GALNTL6: variants seen among roughly 807,000 people sequenced by gnomAD.
GALNTL6 encodes the protein polypeptide N-acetylgalactosaminyltransferase-like 6.
A neutral mutation model predicts 73.7 loss-of-function variants in GALNTL6; 46 were observed. The observed-to-expected ratio is 0.62, with a 90% CI of 0.49 to 0.80. GALNTL6 has a LOEUF of 0.80. Ranked by LOEUF, GALNTL6 falls within the 30% of genes least tolerant of loss-of-function variation. The pLI is 0.00. For synonymous variants in GALNTL6, 259 were observed against 263.7 expected (o/e 0.98, Z 0.17); for missense variants, 604 against 755.0 (o/e 0.80, Z 2.34).
chr4:171,863,985 C>T (rs1363136473), intron 2 of GALNTL6, among the ~76,000 whole-genome samples: 6 of 152,110 alleles, frequency 3.9e-5, no homozygotes, highest in Non-Finnish European at 7.4e-5. Flanking sequence ...TGGTCTCGAC[C>T]TCCTGCCCTC....
chr4:171,840,067 A>G (rs1994306), intron 2 of GALNTL6, among the ~76,000 whole-genome samples: 80,776 of 151,940 alleles, frequency 0.53, 23,836 homozygotes, highest in Non-Finnish European at 0.65. Context: ...AGTGCCGGCC[A>G]GGGATATTTA....
At chr4:172,892,031 G>A (rs527650929) in intron 8 of GALNTL6, among the ~76,000 whole-genome samples, 26 of 152,208 alleles carry the variant, frequency 1.7e-4, no homozygotes, top group African/African-American at 2.4e-4. Context: ...TCTGGCTTCC[G>A]TGCATTGGCT....
At chr4:171,927,800 T>TGCA (rs1340293460) in intron 2 of GALNTL6, among the ~76,000 whole-genome samples, 1 of 152,190 alleles carries the variant, frequency 6.6e-6, no homozygotes, top group African/African-American at 2.4e-5. Flanking sequence ...GCACAGCCCC[T>TGCA]GCAGCTGATC....
intron 5 of GALNTL6, among the ~76,000 whole-genome samples, chr4:172,708,906 T>G (rs576158795): frequency 9.2e-5 from 14 of 152,350 alleles, no homozygotes; most frequent in African/African-American, 3.4e-4. Flanking sequence ...TTGAGATGCC[T>G]TAAGGATCTT....
In GALNTL6 at chr4:172,978,370, T is replaced by A. The variant is rs190567768; in HGVS notation, c.1371+26112T>A. Among the ~76,000 whole-genome samples the A allele has an allele frequency of 3.3e-5, 5 of 152,268 alleles. No individual in the cohort carries two copies. In the East Asian group the frequency reaches 9.6e-4, roughly 29 times the overall value. The stretch of plus-strand genomic sequence containing the variant: ...GACACTAGTTGAGCTCTAATGAGGA[T>A]GAGCTGCTTCCATCATTTTGAGCAA... On this transcript the variant is annotated intron_variant, in intron 10 of 12. Transcript: ENST00000506823.
At chr4:172,317,683 T>C (rs1013700456) in intron 4 of GALNTL6, among the ~76,000 whole-genome samples, 2 of 152,240 alleles carry the variant, frequency 1.3e-5, no homozygotes, top group African/African-American at 4.8e-5. Flanking sequence ...GTGATCCGTT[T>C]TGACTCTTGT....
At chr4:172,120,625 C>T (rs1733122109) in intron 2 of GALNTL6, among the ~76,000 whole-genome samples, 1 of 151,808 alleles carries the variant, frequency 6.6e-6, no homozygotes. Flanking sequence ...GACCGTGATT[C>T]ACCCTAACAC....
chr4:172,839,840 T>A (rs1743107143), intron 7 of GALNTL6, among the ~76,000 whole-genome samples: 1 of 152,210 alleles, frequency 6.6e-6, no homozygotes, highest in South Asian at 2.1e-4. Context: ...TCTTGGCAAG[T>A]GGCACAAGAT....
chr4:172,559,171 T>A (rs759314579), intron 5 of GALNTL6, among the ~76,000 whole-genome samples: 6 of 137,288 alleles, frequency 4.4e-5, no homozygotes, highest in Non-Finnish European at 9.2e-5. Flanking sequence ...TTCATGCCGT[T>A]CTCCTGCCTC....
At chr4:172,880,767 A>G (rs1280078531) in intron 7 of GALNTL6, among the ~76,000 whole-genome samples, 1 of 152,152 alleles carries the variant, frequency 6.6e-6, no homozygotes, top group East Asian at 1.9e-4. Flanking sequence ...GACAGGAGAT[A>G]CTAATTTATT....
At chr4:172,851,837 G>A (rs1743836644) in intron 7 of GALNTL6, among the ~76,000 whole-genome samples, 1 of 152,106 alleles carries the variant, frequency 6.6e-6, no homozygotes, top group Non-Finnish European at 1.5e-5. Context: ...AGCAACATGA[G>A]TTCTAAGTAG....
intron 5 of GALNTL6, among the ~76,000 whole-genome samples, chr4:172,530,413 T>C (rs1276292033): frequency 6.6e-6 from 1 of 152,166 alleles, no homozygotes. Context: ...TATTCAGATA[T>C]AATCTTATTT....
intron 2 of GALNTL6, among the ~76,000 whole-genome samples, chr4:172,011,615 C>T (rs1741009557): frequency 6.6e-6 from 1 of 151,948 alleles, no homozygotes; most frequent in East Asian, 1.9e-4. Context: ...AAATCTGGAA[C>T]ATGTTATATG....
At chr4:171,834,406 T>C (rs1264888930) in intron 2 of GALNTL6, among the ~76,000 whole-genome samples, 2 of 151,966 alleles carry the variant, frequency 1.3e-5, no homozygotes, top group African/African-American at 4.8e-5. Context: ...AACATTGCTT[T>C]GCGATGGTGT....
At chr4:171,826,173 A>G (rs957791359) in intron 2 of GALNTL6, among the ~76,000 whole-genome samples, 4 of 152,000 alleles carry the variant, frequency 2.6e-5, no homozygotes, top group African/African-American at 9.7e-5. Flanking sequence ...CTCTCTTCAA[A>G]TCTCCCGTGC....
chr4:171,840,276 T>C (rs1455457331), intron 2 of GALNTL6, among the ~76,000 whole-genome samples: 1 of 152,230 alleles, frequency 6.6e-6, no homozygotes, highest in Non-Finnish European at 1.5e-5. Flanking sequence ...TCTTGACTGT[T>C]AACAGTACAG....
intron 2 of GALNTL6, among the ~76,000 whole-genome samples, chr4:172,092,272 C>T (rs772589248): frequency 5.9e-5 from 9 of 151,956 alleles, no homozygotes; most frequent in African/African-American, 9.7e-5. Flanking sequence ...ATTATAATTA[C>T]GACTAATAAC....
intron 3 of GALNTL6, 90 bp downstream of exon 3, chr4:172,229,854 G>A (rs1453926828): frequency 2.6e-6 from 2 of 756,080 alleles, no homozygotes; most frequent in East Asian, 2.5e-5. Context: ...CATTTCTTCT[G>A]CACACTGTAA....
chr4:171,920,121 C>T (rs1354392083), intron 2 of GALNTL6, among the ~76,000 whole-genome samples: 3 of 151,000 alleles, frequency 2.0e-5, no homozygotes, highest in Admixed American at 1.3e-4. Context: ...AGCAAACTGT[C>T]GCAAGGACAA....
Sources: gnomAD v4.1 joint callset for allele counts (sites outside exome capture counted in the v4.1 genomes callset) on GRCh38, gnomAD v4.1.1 for gene constraint, MANE v1.5 for transcripts, NCBI Gene and HGNC (gene_info 2026-07-23, HGNC 2026-07-21) for gene names.